The following CDC14A variants were observed in gnomAD, a reference collection of about 807,000 sequenced individuals.
CDC14A encodes dual specificity protein phosphatase CDC14A.
A neutral mutation model predicts 74.4 loss-of-function variants in CDC14A; 53 were observed. The ratio of observed to expected loss-of-function variants is 0.71; its 90% CI spans 0.57 to 0.89. The LOEUF is 0.89. Among genes scored for constraint, CDC14A ranks in the 40% least tolerant of loss-of-function variants. CDC14A has a pLI of 0.00. For synonymous variants in CDC14A, 247 were observed against 258.4 expected (o/e 0.96, Z 0.43); for missense variants, 646 against 713.7 (o/e 0.91, Z 1.08).
At chr1:100,477,062 A>G (rs1639686663) in intron 10 of CDC14A, among the ~76,000 whole-genome samples, 2 of 152,178 alleles carry the variant, frequency 1.3e-5, no homozygotes, top group South Asian at 4.1e-4. Context: ...AGCCACTGTA[A>G]ATTGAAAAAG....
intron 8 of CDC14A, among the ~76,000 whole-genome samples, chr1:100,457,902 T>C (rs777587349): frequency 6.6e-6 from 1 of 152,232 alleles, no homozygotes; most frequent in East Asian, 1.9e-4. Context: ...TAAATGTTCA[T>C]ACATCTTTTT....
chr1:100,509,069 T>A (rs1424287482), intron 15 of CDC14A, among the ~76,000 whole-genome samples: 1 of 152,150 alleles, frequency 6.6e-6, no homozygotes, highest in African/African-American at 2.4e-5. Flanking sequence ...AGCATGAACC[T>A]TCTGCTTCTG....
At chr1:100,379,189 G>A (rs74103143) in intron 3 of CDC14A, among the ~76,000 whole-genome samples, 1,737 of 152,310 alleles carry the variant, frequency 0.011, 29 homozygotes, top group African/African-American at 0.033. Context: ...ACTTATAGCA[G>A]TTGCAGAAGA....
In CDC14A at chr1:100,477,306, G is replaced by C. The variant is rs113876797; in HGVS notation, c.978-6986G>C. On this transcript the variant is annotated intron_variant, in intron 10 of 15. Transcript: ENST00000336454. ...TGTACAGCAGGAGATGCAGATCCTA[G>C]TGATGAACATGCATATTCTGAACTT... is the stretch of plus-strand genomic sequence containing the variant. 4.5e-4 allele frequency among the ~76,000 whole-genome samples: 68 copies of C among 152,124 alleles called. 1 individual carries two copies. The highest frequency in any genetic ancestry group is 1.0e-3 in the African/African-American group (43 of 41,508).
intron 2 of CDC14A, among the ~76,000 whole-genome samples, chr1:100,372,465 G>A (rs1451227288): frequency 1.3e-5 from 2 of 152,060 alleles, no homozygotes; most frequent in Admixed American, 1.3e-4. Context: ...TAATTTTTTT[G>A]TTGTCATTTC....
intron 9 of CDC14A, among the ~76,000 whole-genome samples, chr1:100,465,926 A>T (rs1667757826): frequency 6.6e-6 from 1 of 152,222 alleles, no homozygotes; most frequent in African/African-American, 2.4e-5. Flanking sequence ...TGTGCCAGGG[A>T]GCCCTTTAAT....
intron 2 of CDC14A, among the ~76,000 whole-genome samples, chr1:100,370,725 G>A (rs934061520): frequency 6.6e-6 from 1 of 152,144 alleles, no homozygotes; most frequent in African/African-American, 2.4e-5. Flanking sequence ...TTAGAGTAGA[G>A]TTTTAATTTG....
chr1:100,493,623 T>C (rs532672474), intron 11 of CDC14A, among the ~76,000 whole-genome samples: 2 of 152,244 alleles, frequency 1.3e-5, no homozygotes, highest in Non-Finnish European at 2.9e-5. Flanking sequence ...CCTGTGACTG[T>C]TGAGCTGGTA....
chr1:100,514,172 T>C (rs1292144453), intron 15 of CDC14A, among the ~76,000 whole-genome samples: 1 of 30,300 alleles, frequency 3.3e-5, no homozygotes, highest in African/African-American at 3.7e-5. Context: ...TAAAAATTAT[T>C]TTCACTTTCT....
Position 100,376,003 on chromosome 1 carries a change from A to G in CDC14A, c.141-1543A>G, listed in dbSNP as rs980077727. Among the ~76,000 whole-genome samples, 13 of 152,336 alleles carry G rather than the reference A, an allele frequency of 8.5e-5. No homozygotes were observed. The East Asian group carries it at 2.3e-3, about 27-fold the overall frequency. On this transcript the variant is annotated intron_variant, in intron 2 of 15. Coordinates refer to ENST00000336454, the MANE Select transcript of CDC14A (RefSeq NM_003672.4). ...ATGAGTTCATGTCCTTTGTAGGGAC[A>G]TGGATAAAGCTGGAAACCATCATTC...
chr1:100,489,498 G>C (rs769464585), intron 11 of CDC14A, among the ~76,000 whole-genome samples: 1 of 151,532 alleles, frequency 6.6e-6, no homozygotes, highest in Non-Finnish European at 1.5e-5. Context: ...CTGTGGACAC[G>C]ATTGTGCATA....
At chr1:100,491,546 C>CTATA (rs1300450625) in intron 11 of CDC14A, among the ~76,000 whole-genome samples, 148 of 39,880 alleles carry the variant, frequency 3.7e-3, no homozygotes, top group Non-Finnish European at 6.4e-3. Flanking sequence ...CTCTCTCTCT[C>CTATA]TCTATATATA....
chr1:100,478,105 G>A (rs1214788729), intron 10 of CDC14A, among the ~76,000 whole-genome samples: 1 of 152,142 alleles, frequency 6.6e-6, no homozygotes, highest in African/African-American at 2.4e-5. Context: ...ACCATCAGGT[G>A]TTTTTCTTCT....
At chr1:100,412,740 T>TTATATA (rs1223236120) in intron 4 of CDC14A, among the ~76,000 whole-genome samples, 1 of 99,896 alleles carries the variant, frequency 1.0e-5, no homozygotes, top group African/African-American at 6.1e-5. Flanking sequence ...TATATATATT[T>TTATATA]TATATATATA....
At chr1:100,364,918 C>T (rs958941706) in intron 2 of CDC14A, among the ~76,000 whole-genome samples, 5 of 152,166 alleles carry the variant, frequency 3.3e-5, no homozygotes, top group African/African-American at 1.2e-4. Context: ...AGTGAAAGCA[C>T]TCACTTATTT....
intron 2 of CDC14A, among the ~76,000 whole-genome samples, chr1:100,372,395 A>G (rs1248140735): frequency 1.3e-5 from 2 of 152,234 alleles, no homozygotes; most frequent in Non-Finnish European, 2.9e-5. Flanking sequence ...AGTTTTCAAA[A>G]TAGGAGTTAA....
intron 4 of CDC14A, chr1:100,393,671 A>G (rs931498647): frequency 3.9e-5 from 20 of 512,076 alleles, no homozygotes; most frequent in Non-Finnish European, 7.0e-5. Flanking sequence ...CAAGTGGTCA[A>G]TATCAATCAA....
chr1:100,505,923 G>A (rs1043437835), intron 15 of CDC14A, among the ~76,000 whole-genome samples: 7 of 152,084 alleles, frequency 4.6e-5, no homozygotes, highest in Admixed American at 2.0e-4. Context: ...AGGGGATCTT[G>A]TGTATCACAT....
chr1:100,467,035 G>T (rs774831902), intron 9 of CDC14A, among the ~76,000 whole-genome samples: 7 of 152,052 alleles, frequency 4.6e-5, no homozygotes, highest in Admixed American at 2.6e-4. Flanking sequence ...ATTTCATGGG[G>T]ACTGATTAGG....
Sources: gnomAD v4.1 joint callset for allele counts (sites outside exome capture counted in the v4.1 genomes callset) on GRCh38, gnomAD v4.1.1 for gene constraint, MANE v1.5 for transcripts, NCBI Gene and HGNC (gene_info 2026-07-23, HGNC 2026-07-21) for gene names.